The following DAP3 variants were observed in gnomAD, a reference collection of about 807,000 sequenced individuals.
The protein encoded by DAP3 is death associated protein 3, also known as small ribosomal subunit protein mS29.
Under a neutral mutation model 51.9 loss-of-function variants are expected in DAP3, and 28 were observed. The observed-to-expected ratio is 0.54, with a 90% CI of 0.40 to 0.74. The LOEUF (loss-of-function observed/expected upper bound fraction) is 0.74, where lower values mean the gene tolerates loss of function less well. DAP3 is among the 30% of genes least tolerant of loss of function. DAP3 has a pLI of 0.00. For synonymous variants in DAP3, 170 were observed against 170.3 expected (o/e 1.00, Z 0.01); for missense variants, 458 against 483.5 (o/e 0.95, Z 0.49).
intron 12 of DAP3, among the ~76,000 whole-genome samples, chr1:155,737,623 A>C (rs557744231): frequency 3.9e-5 from 6 of 152,178 alleles, no homozygotes; most frequent in Non-Finnish European, 8.8e-5. Flanking sequence ...ATCACTAGAT[A>C]ATAGAGTTAA....
At chr1:155,688,807 C>A, upstream of DAP3, 12 of 1,557,390 alleles carry the variant, frequency 7.7e-6, no homozygotes, top group South Asian at 1.4e-4. Context: ...ACAGTCCCCA[C>A]CGCGGGACTG....
chr1:155,710,612 T>C (rs1394555024), intron 2 of DAP3: 1 of 152,210 alleles, frequency 6.6e-6, no homozygotes, highest in Non-Finnish European at 1.5e-5. Flanking sequence ...TTGGGTATTA[T>C]TATGTGCCAG....
In DAP3 at chr1:155,693,161, T is replaced by C. The variant is rs1045398691; in HGVS notation, c.-8+3987T>C. Among the ~76,000 whole-genome samples, 9 of 141,698 alleles carry C rather than the reference T, an allele frequency of 6.4e-5. 3 individuals are homozygous for C. The highest frequency in any genetic ancestry group is 2.9e-4 in the African/African-American group (9 of 31,202). 93.0% of individuals were successfully genotyped at this position (141,698 alleles called of 152,430 possible). A position where few individuals can be genotyped will look rare whatever the true frequency, so the allele number is the denominator to read the frequency against. On this transcript the variant is annotated intron_variant, in intron 1 of 12. Coordinates refer to ENST00000368336, the MANE Select transcript of DAP3 (RefSeq NM_004632.4). ...CTAGCCCTCACCAGCAACACAGATG[T>C]TTTCACATCAAACGTGGAATCAATA... is the stretch of plus-strand genomic sequence containing the variant.
At chr1:155,688,332 G>GGCGGCAGCAGAGTGGCC (rs1462058265), upstream of DAP3, 13 of 1,550,968 alleles carry the variant, frequency 8.4e-6, no homozygotes, top group Non-Finnish European at 9.6e-6. Context: ...CGGCGGCAGC[G>GGCGGCAGCAGAGTGGCC]GCGGCAGCAG....
chr1:155,717,156 T>C (rs763799525), intron 3 of DAP3, 28 bp downstream of exon 3: 59 of 1,600,058 alleles, frequency 3.7e-5, no homozygotes, highest in Non-Finnish European at 4.8e-5. Flanking sequence ...ATATGGGGTT[T>C]CTCAGGGCTT....
chr1:155,690,796 G>A (rs1410656660), intron 1 of DAP3, among the ~76,000 whole-genome samples: 1 of 142,234 alleles, frequency 7.0e-6, no homozygotes, highest in Non-Finnish European at 1.5e-5. Context: ...CTGGAAGGCA[G>A]TAGTGCAGTC....
chr1:155,728,758 G>A (rs1219280492), intron 7 of DAP3, among the ~76,000 whole-genome samples: 2 of 152,052 alleles, frequency 1.3e-5, no homozygotes, highest in African/African-American at 2.4e-5. Flanking sequence ...TACTTGGGAG[G>A]CTGAGGCAAG....
At chr1:155,710,453 AAC>A (rs1656557893) in intron 2 of DAP3, 1 of 152,074 alleles carries the variant, frequency 6.6e-6, no homozygotes, top group African/African-American at 2.4e-5. Context: ...GCTGGTCTCG[AAC>A]TCCTGACTTC....
At chr1:155,732,895 G>A (rs141931095) in intron 11 of DAP3, among the ~76,000 whole-genome samples, 146 of 152,218 alleles carry the variant, frequency 9.6e-4, no homozygotes, top group African/African-American at 3.0e-3. Context: ...GTCGTGGCGC[G>A]TGGCTGTAAT....
At chr1:155,688,842 C>T, upstream of DAP3, 4 of 1,588,926 alleles carry the variant, frequency 2.5e-6, no homozygotes, top group African/African-American at 1.3e-5. Flanking sequence ...GCTGCAGGGG[C>T]AGGAGAGGAA....
At chr1:155,701,366 TCTG>T (rs1655255712) in intron 1 of DAP3, among the ~76,000 whole-genome samples, 1 of 106,658 alleles carries the variant, frequency 9.4e-6, no homozygotes, top group Non-Finnish European at 1.8e-5. Context: ...ATCCTGTTGA[TCTG>T]TGACCTTACC....
At chr1:155,688,290 TC>T (rs757001783), upstream of DAP3, 2 of 1,577,040 alleles carry the variant, frequency 1.3e-6, no homozygotes, top group Non-Finnish European at 1.7e-6. Flanking sequence ...GACACTGGGA[TC>T]GTTTCCCCTC....
At chr1:155,723,645 C>A (rs1367210079) in intron 4 of DAP3, among the ~76,000 whole-genome samples, 5 of 152,132 alleles carry the variant, frequency 3.3e-5, no homozygotes, top group Non-Finnish European at 7.4e-5. Context: ...TGTTTTAATA[C>A]CTTTATCATG....
chr1:155,709,746 T>C, intron 1 of DAP3, 27 bp from the exon 2 acceptor site: 1 of 1,598,128 alleles, frequency 6.3e-7, no homozygotes, highest in South Asian at 1.1e-5. Context: ...GTGGTTTACC[T>C]TTTCACTTTT....
At chr1:155,701,958 C>T (rs1655339877) in intron 1 of DAP3, among the ~76,000 whole-genome samples, 1 of 150,752 alleles carries the variant, frequency 6.6e-6, no homozygotes. Flanking sequence ...AAGTAGCTGA[C>T]AGCAAAACTG....
intron 1 of DAP3, among the ~76,000 whole-genome samples, chr1:155,695,928 G>A (rs764048859): frequency 6.6e-6 from 1 of 152,090 alleles, no homozygotes; most frequent in Admixed American, 6.5e-5. Context: ...TTTAAGAACT[G>A]GAAAATTTTA....
intron 6 of DAP3, chr1:155,726,888 A>T (rs1658669615): frequency 6.6e-6 from 1 of 152,178 alleles, no homozygotes; most frequent in Non-Finnish European, 1.5e-5. Flanking sequence ...TGCCAAGCAG[A>T]TTATAAGGTG....
At chr1:155,689,072 G>C (rs1343044227), upstream of DAP3, 1 of 1,498,110 alleles carries the variant, frequency 6.7e-7, no homozygotes, top group Non-Finnish European at 9.0e-7. Flanking sequence ...TTTCCTGCCG[G>C]ATGACCCGAC....
At chr1:155,688,532 C>T (rs1653054669), upstream of DAP3, 5 of 1,543,768 alleles carry the variant, frequency 3.2e-6, no homozygotes, top group African/African-American at 1.4e-5. Flanking sequence ...TCCCACCAAC[C>T]ACCACCTTCG....
Sources: gnomAD v4.1 joint callset for allele counts (sites outside exome capture counted in the v4.1 genomes callset) on GRCh38, gnomAD v4.1.1 for gene constraint, MANE v1.5 for transcripts, NCBI Gene and HGNC (gene_info 2026-07-23, HGNC 2026-07-21) for gene names.